The following CHSY3 variants were observed in gnomAD, a reference collection of about 807,000 sequenced individuals.
CHSY3 encodes N-acetylgalactosaminyl-proteoglycan 3-beta-glucuronosyltransferase 3.
Under a neutral mutation model 67.2 loss-of-function variants are expected in CHSY3, and 35 were observed. The observed-to-expected ratio is 0.52, with a 90% CI of 0.40 to 0.69. The LOEUF (loss-of-function observed/expected upper bound fraction) is 0.69, where lower values mean the gene tolerates loss of function less well. CHSY3 is among the 30% of genes least tolerant of loss of function. The probability of loss-of-function intolerance (pLI) is 0.00; values close to 1 mark genes in which losing one functional copy is unlikely to be tolerated. For missense variants in CHSY3, 1,069 were observed against 1,138.5 expected, an observed-to-expected ratio of 0.94 and a Z score of 0.88; for synonymous variants, 474 against 434.7, an observed-to-expected ratio of 1.09 and a Z score of -1.12.
At chr5:130,009,748 T>G (rs1427853969) in intron 2 of CHSY3, among the ~76,000 whole-genome samples, 1 of 151,966 alleles carries the variant, frequency 6.6e-6, no homozygotes, top group African/African-American at 2.4e-5. Flanking sequence ...AAGAGAACCA[T>G]CTCCCATGCA....
At chr5:130,052,580 G>C (rs1372934368) in intron 2 of CHSY3, among the ~76,000 whole-genome samples, 1 of 151,952 alleles carries the variant, frequency 6.6e-6, no homozygotes, top group African/African-American at 2.4e-5. Flanking sequence ...TTTATGAACT[G>C]CTGTGAGAGA....
chr5:130,091,329 G>A (rs928576209), intron 2 of CHSY3, among the ~76,000 whole-genome samples: 2 of 152,082 alleles, frequency 1.3e-5, no homozygotes, highest in Admixed American at 6.6e-5. Flanking sequence ...CTTTTGTGGC[G>A]TTTTGTTTCC....
intron 2 of CHSY3, among the ~76,000 whole-genome samples, chr5:129,987,587 T>G (rs74456873): frequency 0.021 from 3,231 of 152,268 alleles, 104 homozygotes; most frequent in African/African-American, 0.071. Context: ...TACAGGGTGA[T>G]ATGATCTCAT....
rs200811373 is a variant in CHSY3, at chr5:130,064,767, A to AG, written c.1087-119461dup. Reference sequence around the variant, plus strand: ...GGTCTAGAAAGTTAAGTCCAAACAAAGTCATTCACCATGAGAAAAGAGAAA... The same window carrying AG: ...GGTCTAGAAAGTTAAGTCCAAACAAAGGTCATTCACCATGAGAAAAGAGAAA... On this transcript the variant is annotated intron_variant, in intron 2 of 2. Coordinates refer to ENST00000305031, the MANE Select transcript of CHSY3 (RefSeq NM_175856.5). Among the ~76,000 whole-genome samples the AG allele has an allele frequency of 3.1e-3, 477 of 152,300 alleles. 3 individuals carry two copies. The highest frequency in any genetic ancestry group is 0.01 in the African/African-American group (420 of 41,578).
chr5:130,001,255 T>C (rs1763720445), intron 2 of CHSY3: 1 of 167,022 alleles, frequency 6.0e-6, no homozygotes, highest in Admixed American at 6.5e-5. Flanking sequence ...TACCTGGAGG[T>C]TGAATTTATA....
intron 2 of CHSY3, among the ~76,000 whole-genome samples, chr5:129,961,105 G>A (rs563501097): frequency 4.0e-4 from 61 of 152,134 alleles, no homozygotes; most frequent in Non-Finnish European, 7.8e-4. Flanking sequence ...TCAGAAAACG[G>A]GCAATGGAAA....
chr5:129,910,784 A>G (rs532266115), intron 2 of CHSY3, among the ~76,000 whole-genome samples: 1 of 152,120 alleles, frequency 6.6e-6, no homozygotes, highest in African/African-American at 2.4e-5. Context: ...TACTGTTCAT[A>G]TTATATAGAA....
At position 130,101,411 on chromosome 5, in the gene CHSY3, A is replaced by G. The variant is rs376116406; in HGVS notation, c.1087-82818A>G. Among the ~76,000 whole-genome samples, 5 of 152,266 alleles carry G rather than the reference A, an allele frequency of 3.3e-5. No individual in the cohort carries two copies. The East Asian group carries it at 5.8e-4, about 18-fold the overall frequency. Reference sequence around the variant, plus strand: ...CAAGTTTTTTCTAAAAAATTACCAAAAAGATATGATTATGTCAGTTAAGAC... The same window carrying G: ...CAAGTTTTTTCTAAAAAATTACCAAGAAGATATGATTATGTCAGTTAAGAC... On this transcript the variant is annotated intron_variant, in intron 2 of 2. Coordinates refer to ENST00000305031, the MANE Select transcript of CHSY3 (RefSeq NM_175856.5).
intron 2 of CHSY3, among the ~76,000 whole-genome samples, chr5:130,101,899 C>G (rs150654783): frequency 4.3e-4 from 65 of 152,230 alleles, no homozygotes; most frequent in African/African-American, 1.5e-3. Context: ...TCAAGCTTCA[C>G]TTGCTCCTTT....
At chr5:129,932,102 C>CCA (rs1761328791) in intron 2 of CHSY3, among the ~76,000 whole-genome samples, 1 of 54,040 alleles carries the variant, frequency 1.9e-5, no homozygotes, top group African/African-American at 8.6e-5. Flanking sequence ...AACCATAAAA[C>CCA]CATATATATA....
chr5:129,905,878 T>TTTTAATGATA, intron 1 of CHSY3: 1 of 816,664 alleles, frequency 1.2e-6, no homozygotes, highest in Non-Finnish European at 1.8e-6. Context: ...CTTGCTGTTT[T>TTTTAATGATA]CGGTGCCGCC....
intron 2 of CHSY3, among the ~76,000 whole-genome samples, chr5:129,925,620 ATAT>A (rs1174061062): frequency 1.3e-5 from 2 of 152,104 alleles, no homozygotes; most frequent in African/African-American, 4.8e-5. Context: ...AGTATACAGT[ATAT>A]TATTATTAAC....
intron 2 of CHSY3, among the ~76,000 whole-genome samples, chr5:130,064,867 G>A (rs919043042): frequency 6.6e-6 from 1 of 152,294 alleles, no homozygotes; most frequent in Admixed American, 6.5e-5. Context: ...AGCTGCCTTT[G>A]TATTAGATTT....
chr5:130,001,633 T>C, intron 2 of CHSY3: 1 of 837,722 alleles, frequency 1.2e-6, no homozygotes, highest in Non-Finnish European at 1.4e-6. Context: ...TGCTTCTAGT[T>C]AAGGAGTAGG....
chr5:130,040,540 A>G (rs529831338), intron 2 of CHSY3, among the ~76,000 whole-genome samples: 1 of 152,276 alleles, frequency 6.6e-6, no homozygotes, highest in African/African-American at 2.4e-5. Flanking sequence ...ACAGCCAAGA[A>G]TTTACTCACT....
chr5:130,036,803 G>A (rs1764874562), intron 2 of CHSY3, among the ~76,000 whole-genome samples: 1 of 152,094 alleles, frequency 6.6e-6, no homozygotes, highest in South Asian at 2.1e-4. Context: ...CTGTGGGTGG[G>A]TGTTTGTGTT....
intron 2 of CHSY3, among the ~76,000 whole-genome samples, chr5:129,963,057 G>C (rs1247019108): frequency 6.6e-6 from 1 of 151,836 alleles, no homozygotes; most frequent in Non-Finnish European, 1.5e-5. Context: ...GGTAAAGCCG[G>C]AATAATGAGA....
intron 2 of CHSY3, among the ~76,000 whole-genome samples, chr5:130,095,060 A>G (rs1767000152): frequency 6.6e-6 from 1 of 152,110 alleles, no homozygotes; most frequent in South Asian, 2.1e-4. Flanking sequence ...GATATACTAA[A>G]AAATTGTATA....
intron 2 of CHSY3, among the ~76,000 whole-genome samples, chr5:130,175,033 G>A (rs915596035): frequency 4.6e-5 from 7 of 152,228 alleles, no homozygotes; most frequent in East Asian, 1.9e-4. Flanking sequence ...AAGTCTCTCC[G>A]TAGGTCTCTA....
Sources: gnomAD v4.1 joint callset for allele counts (sites outside exome capture counted in the v4.1 genomes callset) on GRCh38, gnomAD v4.1.1 for gene constraint, MANE v1.5 for transcripts, NCBI Gene and HGNC (gene_info 2026-07-23, HGNC 2026-07-21) for gene names.